Variants in AHNAK2 observed in about 807,000 individuals in gnomAD.
AHNAK2 encodes the protein AHNAK nucleoprotein 2.
A neutral mutation model predicts 30.7 loss-of-function variants in AHNAK2; 18 were observed. That is an observed-to-expected ratio of 0.59 (90% CI 0.41 to 0.87). The LOEUF is 0.87. Ranked by LOEUF, AHNAK2 falls within the 40% of genes least tolerant of loss-of-function variation. The pLI is 0.00. For missense variants in AHNAK2, 8,604 were observed against 7,373.0 expected (o/e 1.17, Z -6.11); for synonymous variants, 3,590 against 3,073.8 (o/e 1.17, Z -5.56).
At position 104,942,689 on chromosome 14, in the gene AHNAK2, G is replaced by T; in HGVS notation, c.12762C>A (p.Thr4254=). The T allele has an allele frequency of 1.9e-6, 3 of 1,613,496 alleles. No homozygotes were observed. The highest frequency in any genetic ancestry group is 1.7e-6 in the Non-Finnish European group (2 of 1,179,730). Residue 4254 remains threonine, a synonymous_variant, in exon 7 of 7, where the codon ACC becomes ACA. Coordinates refer to ENST00000333244, the MANE Select transcript of AHNAK2 (RefSeq NM_138420.4). Reference sequence around the variant, plus strand: ...TGGGCAGAGACACCTCCACGACGGGGGTCATCACATCCGCCTTGGGGCCTT... The same window carrying T: ...TGGGCAGAGACACCTCCACGACGGGTGTCATCACATCCGCCTTGGGGCCTT... The part of the protein sequence containing the change: ...DLKGPKADVM[T]PVVEVSLPSM...
In AHNAK2 at chr14:104,941,671, C is replaced by T. The variant is rs202138825; in HGVS notation, c.13780G>A (p.Val4594Met). The T allele has an allele frequency of 7.1e-5, 115 of 1,612,932 alleles. No individual in the cohort carries two copies. In the East Asian group the frequency reaches 1.0e-3, roughly 14 times the overall value. The change falls in exon 7 of 7, where the codon GTG (valine) becomes ATG (methionine). Residue 4594 changes from valine to methionine, a missense_variant. Transcript: ENST00000333244. ...CCTGGGGCCTGGACATCCGTCTCCA[C>T]GCTGGGCAGAGACACCTCCACATCG... ...APDVEVSLPSVETDVQAPGSM... is the reference protein window; with the variant it reads ...APDVEVSLPSMETDVQAPGSM...
rs544175303 is a variant in AHNAK2, at chr14:104,967,683, C to T, written c.56-10011G>A. Among the ~76,000 whole-genome samples the T allele has an allele frequency of 8.5e-5, 13 of 152,354 alleles. No homozygotes were observed. The East Asian group carries it at 2.5e-3, about 29-fold the overall frequency. On this transcript the variant is annotated intron_variant, in intron 1 of 6. Coordinates refer to ENST00000333244, the MANE Select transcript of AHNAK2 (RefSeq NM_138420.4). ...GAGGCTCAGCGAGCGGCAGACCTGC[C>T]TCTGGCCACAGAGCTGCGCAGTGGG...
chr14:104,941,350 T>C lies in AHNAK2; in HGVS notation c.14101A>G (p.Lys4701Glu), dbSNP rs1393584399. Residue 4701 changes from lysine (K) to glutamate (E), a missense_variant, in exon 7 of 7, where the codon AAA (lysine) becomes GAA (glutamate). Lys to Glu is a moderately conservative substitution (Grantham distance 56). Coordinates refer to ENST00000333244, the MANE Select transcript of AHNAK2 (RefSeq NM_138420.4). Reference protein sequence around the residue: ...GEVGMDSKFKKLHFKVPKVSF... With the variant: ...GEVGMDSKFKELHFKVPKVSF... ...ACTTTGGGCACTTTAAAATGCAGTT[T>C]CTTAAACTTCGAATCCATTCCAACT... 1.2e-6 allele frequency: 2 copies of C among 1,613,534 alleles called. No homozygotes were observed. Among genetic ancestry groups the C allele is most frequent in the Non-Finnish European group, 1.7e-6 (2 of 1,179,896 alleles).
rs759827382 is a variant in AHNAK2 at position 104,952,891 on chromosome 14, C to G, written c.2560G>C (p.Asp854His). Reference sequence around the variant, plus strand: ...TTCGGCGCAGACACATCCACCGAGTCCTCCATGGACTTGCCTGGGGCCGAC... The same window carrying G: ...TTCGGCGCAGACACATCCACCGAGTGCTCCATGGACTTGCCTGGGGCCGAC... The part of the protein sequence containing the change: ...GVSAPGKSME[D>H]SVDVSAPKVE... Residue 854 changes from aspartate to histidine, a missense_variant, in exon 7 of 7, where the codon GAC becomes CAC. Asp to His is a moderately conservative substitution (Grantham distance 81, BLOSUM62 -1). Transcript: ENST00000333244. The G allele has an allele frequency of 6.2e-7, 1 of 1,611,750 alleles. No individual in the cohort carries two copies. Among genetic ancestry groups the G allele is most frequent in the South Asian group, 1.1e-5 (1 of 90,978 alleles).
Position 104,937,835 on chromosome 14 carries a change from G to T in AHNAK2, c.*228C>A. On this transcript the variant is annotated 3_prime_UTR_variant, in exon 7 of 7. Transcript: ENST00000333244. ...ATTCTGGTGTCTTGTGGAAGTCAGGGTGCCTTCTTTGCATCCAAAGCTTTG... is the reference window on the plus strand; with the variant it reads ...ATTCTGGTGTCTTGTGGAAGTCAGGTTGCCTTCTTTGCATCCAAAGCTTTG... 2.0e-6 allele frequency: 1 copy of T among 494,244 alleles called. No homozygotes were observed. The highest frequency in any genetic ancestry group is 3.5e-6 in the Non-Finnish European group (1 of 285,986). 30.6% of individuals were successfully genotyped at this position (494,244 alleles called of 1,614,324 possible). A position where few individuals can be genotyped will look rare whatever the true frequency, so the allele number is the denominator to read the frequency against.
At chr14:104,957,723 C>G in intron 1 of AHNAK2, 51 bp from the exon 2 acceptor site, 1 of 1,562,872 alleles carries the variant, frequency 6.4e-7, no homozygotes, top group Non-Finnish European at 8.7e-7. Context: ...GGGAGCAGAT[C>G]GGGGCCCGGG....
Position 104,952,713 on chromosome 14 carries a change from T to G in AHNAK2, c.2738A>C (p.Lys913Thr). 4 of 1,612,974 alleles carry G rather than the reference T, an allele frequency of 2.5e-6. No homozygotes were observed. The highest frequency in any genetic ancestry group is 3.4e-6 in the Non-Finnish European group (4 of 1,179,648). The change falls in exon 7 of 7, where the codon AAA becomes ACA. Residue 913 changes from lysine (K) to threonine (T), a missense_variant. Lys to Thr is a moderately conservative substitution (Grantham distance 78). Coordinates refer to ENST00000333244, the MANE Select transcript of AHNAK2 (RefSeq NM_138420.4). ...CATCTCCACTTTGGGCAGGTGCACT[T>G]TGGGGCCGGCTCCCTCGGGCACAGG... ...EGPVPEGAGP[K>T]VHLPKVEMPS...
rs1478557808 is a variant in AHNAK2 at position 104,942,168 on chromosome 14, C to A, written c.13283G>T (p.Ser4428Ile). 1 of 1,613,088 alleles carries A rather than the reference C, an allele frequency of 6.2e-7. No homozygotes were observed. Among genetic ancestry groups the A allele is most frequent in the African/African-American group, 1.3e-5 (1 of 74,702 alleles). ...TGGGGCTTGGATGTCCACCTCCATG[C>A]TGGGCAGAGACACGTCCAGGTTGGG... ...TSPNLDVSLP[S>I]MEVDIQAPGA... Residue 4428 changes from serine to isoleucine, a missense_variant, in exon 7 of 7, where the codon AGC (serine) becomes ATC (isoleucine). Coordinates refer to ENST00000333244, the MANE Select transcript of AHNAK2 (RefSeq NM_138420.4).
chr14:104,973,852 T>TGCGCAGCAGAGCTGGCAGGGCAGGGAC (rs1899534380), intron 1 of AHNAK2, among the ~76,000 whole-genome samples: 1 of 152,184 alleles, frequency 6.6e-6, no homozygotes, highest in East Asian at 1.9e-4. Context: ...CAGGTCCGAG[T>TGCGCAGCAGAGCTGGCAGGGCAGGGAC]GCGCAGCAGA....
Position 104,946,121 on chromosome 14 carries a change from C to T in AHNAK2, c.9330G>A (p.Glu3110=), listed in dbSNP as rs371827764. Residue 3110 remains glutamate (E), a synonymous_variant, in exon 7 of 7, where the codon GAG becomes GAA. Coordinates refer to ENST00000333244, the MANE Select transcript of AHNAK2 (RefSeq NM_138420.4). ...TGGCTCCTGGGGCCTCGACATCCAC[C>T]TCCATGCCGGGCTGAGACACCTCCA... The part of the protein sequence containing the change: ...PDVEVSQPGM[E]VDVEAPGAKL... 1.4e-5 allele frequency: 23 copies of T among 1,612,288 alleles called. No individual in the cohort carries two copies. The African/African-American group carries it at 2.8e-4, about 20-fold the overall frequency.
rs781718265 is a variant in AHNAK2 at position 104,940,396 on chromosome 14, G to C, written c.15055C>G (p.Pro5019Ala). 1 of 1,613,882 alleles carries C rather than the reference G, an allele frequency of 6.2e-7. No individual in the cohort carries two copies. ...GCAAGTTTTGGCATGGCAAAGCCAG[G>C]CTTTGTGCTCCTCCCCTTCTCTCCA... ...RDGEKGRSTK[P>A]GFAMPKLALP... The change falls in exon 7 of 7, where the codon CCT becomes GCT. Residue 5019 changes from proline to alanine, a missense_variant. Coordinates refer to ENST00000333244, the MANE Select transcript of AHNAK2 (RefSeq NM_138420.4). This position sits in a 1 kb window ranked among gnomAD's most constrained non-coding sequence, Gnocchi z 4.4.
In AHNAK2 at chr14:104,952,206, G is replaced by A. The variant is rs1379193132; in HGVS notation, c.3245C>T (p.Pro1082Leu). Residue 1082 changes from proline (P) to leucine (L), a missense_variant, in exon 7 of 7, where the codon CCC (proline) becomes CTC (leucine). Transcript: ENST00000333244. ...PEGAGLKGHL[P>L]KVEMPSFKMP... is the part of the protein sequence containing the mutation. Reference sequence around the variant, plus strand: ...CTTGAAACTGGGCATCTCCACCTTGGGCAAGTGCCCTTTAAGGCCAGCTCC... The same window carrying A: ...CTTGAAACTGGGCATCTCCACCTTGAGCAAGTGCCCTTTAAGGCCAGCTCC... The A allele has an allele frequency of 6.2e-7, 1 of 1,612,308 alleles. No homozygotes were observed. The highest frequency in any genetic ancestry group is 8.5e-7 in the Non-Finnish European group (1 of 1,179,598).
intron 4 of AHNAK2, 124 bp downstream of exon 4, chr14:104,956,464 C>A: frequency 1.1e-6 from 1 of 950,204 alleles, no homozygotes. Flanking sequence ...CCCCTCCTCC[C>A]CAGGGCACGG....
In AHNAK2 at chr14:104,938,878, T is replaced by A. The variant is rs1274113970; in HGVS notation, c.16573A>T (p.Ile5525Phe). 6.2e-7 allele frequency: 1 copy of A among 1,613,516 alleles called. No individual in the cohort carries two copies. The highest frequency in any genetic ancestry group is 1.3e-5 in the African/African-American group (1 of 74,910). ...CTAGCCTGCGTGTGGGGCTCTGGGA[T>A]TTTCACTTTTAATAAGGAAAATCCG... The part of the protein sequence containing the change: ...SYGFSLLKVK[I>F]PEPHTQARVY... Residue 5525 changes from isoleucine (I) to phenylalanine (F), a missense_variant, in exon 7 of 7, where the codon ATC (isoleucine) becomes TTC (phenylalanine). Coordinates refer to ENST00000333244, the MANE Select transcript of AHNAK2 (RefSeq NM_138420.4).
chr14:104,950,318 A>G lies in AHNAK2; in HGVS notation c.5133T>C (p.Pro1711=), dbSNP rs529325512. 55 of 1,584,728 alleles carry G rather than the reference A, an allele frequency of 3.5e-5. 4 individuals carry two copies. The Middle Eastern group carries it at 1.0e-3, about 29-fold the overall frequency. ...CAGCCTGGACCTCCAGGTCGGCGGA[A>G]GGGGACTGAATGCTGAGGTCAGTGG... ...LKTTDLSIQS[P]SADLEVQAGQ... is the part of the protein sequence containing the mutation. The change falls in exon 7 of 7, where the codon CCT becomes CCC. Residue 1711 remains proline, a synonymous_variant. Coordinates refer to ENST00000333244, the MANE Select transcript of AHNAK2 (RefSeq NM_138420.4).
chr14:104,952,853 G>A lies in AHNAK2; in HGVS notation c.2598C>T (p.Asp866=), dbSNP rs761886893. 4.8e-5 allele frequency: 77 copies of A among 1,612,384 alleles called. 1 individual carries two copies. The highest frequency in any genetic ancestry group is 2.2e-4 in the South Asian group (20 of 91,030). The change falls in exon 7 of 7, where the codon GAC becomes GAT. Residue 866 remains aspartate, a synonymous_variant. Transcript: ENST00000333244. ...CCCCCTGCATGGAGGAGAGGCTCAC[G>A]TCGGCCTCCACCTTCGGCGCAGACA... ...VDVSAPKVEA[D]VSLSSMQGDL... is the part of the protein sequence containing the mutation.
At chr14:104,962,375 A>G (rs368044067) in intron 1 of AHNAK2, among the ~76,000 whole-genome samples, 1 of 152,206 alleles carries the variant, frequency 6.6e-6, no homozygotes, top group South Asian at 2.1e-4. Context: ...AACAGAAAAC[A>G]AAGTCCAGAA....
rs188521676 is a variant in AHNAK2 at position 104,950,187 on chromosome 14, G to T, written c.5264C>A (p.Ala1755Asp). Residue 1755 changes from alanine (A) to aspartate (D), a missense_variant, in exon 7 of 7, where the codon GCC (alanine) becomes GAC (aspartate). Physicochemically the swap from Ala to Asp is moderately radical, Grantham distance 126. Coordinates refer to ENST00000333244, the MANE Select transcript of AHNAK2 (RefSeq NM_138420.4). ...GACGTCCATCTGGGGGCCCTTGAGG[G>T]CCACTTTGGGCATCTTCAAACTGGG... ...QMPSLKMPKV[A>D]LKGPQMDVKG... is the part of the protein sequence containing the mutation. 1.9e-3 allele frequency: 2,985 copies of T among 1,575,738 alleles called. 422 individuals are homozygous for T. The African/African-American group carries it at 0.036, about 19-fold the overall frequency.
chr14:104,959,633 A>C (rs1899080972), intron 1 of AHNAK2, among the ~76,000 whole-genome samples: 2 of 152,194 alleles, frequency 1.3e-5, no homozygotes, highest in African/African-American at 4.8e-5. Context: ...ACTCTGTCTC[A>C]AAAAAATAAA....
Sources: gnomAD v4.1 joint callset for allele counts (sites outside exome capture counted in the v4.1 genomes callset) on GRCh38, gnomAD v4.1.1 for gene constraint, Gnocchi (gnomAD v3.1) non-coding constraint, MANE v1.5 for transcripts, NCBI Gene and HGNC (gene_info 2026-07-23, HGNC 2026-07-21) for gene names.